The following MAPRE2 variants were observed in gnomAD, a reference collection of about 807,000 sequenced individuals.
MAPRE2 encodes the protein microtubule-associated protein RP/EB family member 2.
MAPRE2 carries 13 observed loss-of-function variants against 43.2 expected under a neutral mutation model. The ratio of observed to expected loss-of-function variants is 0.30; its 90% CI spans 0.20 to 0.48. The LOEUF is 0.48. Among genes scored for constraint, MAPRE2 ranks in the 20% least tolerant of loss-of-function variants. The probability of loss-of-function intolerance (pLI) is 0.99; values close to 1 mark genes in which losing one functional copy is unlikely to be tolerated. For synonymous variants in MAPRE2, 135 were observed against 148.8 expected, an observed-to-expected ratio of 0.91 and a Z score of 0.68; for missense variants, 161 against 400.2, an observed-to-expected ratio of 0.40 and a Z score of 5.10.
intron 2 of MAPRE2, among the ~76,000 whole-genome samples, chr18:35,015,566 G>A (rs750924041): frequency 6.0e-5 from 9 of 151,114 alleles, no homozygotes; most frequent in Non-Finnish European, 1.0e-4. Context: ...AACGAATCAC[G>A]TTTTATTTTC....
At chr18:35,065,214 C>G (rs1394029996) in intron 1 of MAPRE2, among the ~76,000 whole-genome samples, 2 of 151,864 alleles carry the variant, frequency 1.3e-5, no homozygotes, top group Non-Finnish European at 1.5e-5. Context: ...AGGGGAATTG[C>G]TTGAACCAGG....
intron 2 of MAPRE2, among the ~76,000 whole-genome samples, chr18:35,011,532 GA>G (rs2097034665): frequency 6.6e-6 from 1 of 152,226 alleles, no homozygotes; most frequent in South Asian, 2.1e-4. Flanking sequence ...TATCATAAAA[GA>G]TGTTGAAGTC....
At position 35,142,589 on chromosome 18, in the gene MAPRE2, T is replaced by C. The variant is rs1041372570; in HGVS notation, c.*2220T>C. 2.0e-5 allele frequency: 3 copies of C among 152,274 alleles called. No homozygotes were observed. The highest frequency in any genetic ancestry group is 2.0e-4 in the Admixed American group (3 of 15,284). 9.4% of individuals were successfully genotyped at this position (152,274 alleles called of 1,614,324 possible). A position where few individuals can be genotyped will look rare whatever the true frequency, so the allele number is the denominator to read the frequency against. ...CAAAGAGAACTTTCCCCAGTCACCA[T>C]AGACCATTCTCCTTCCTGAAGGCTT... On this transcript the variant is annotated 3_prime_UTR_variant, in exon 7 of 7. Coordinates refer to ENST00000300249, the MANE Select transcript of MAPRE2 (RefSeq NM_014268.4).
chr18:35,082,312 AT>A (rs1483666463), intron 2 of MAPRE2: 1 of 151,284 alleles, frequency 6.6e-6, no homozygotes, highest in Non-Finnish European at 1.5e-5. Context: ...AAAAAAAAAA[AT>A]ACATACGTTC....
At chr18:34,997,284 T>C (rs911787299) in intron 1 of MAPRE2, among the ~76,000 whole-genome samples, 1 of 152,194 alleles carries the variant, frequency 6.6e-6, no homozygotes, top group Non-Finnish European at 1.5e-5. Flanking sequence ...CAAAATCTTA[T>C]TCCATAGCAT....
chr18:35,117,671 T>C (rs1461292805), intron 4 of MAPRE2, among the ~76,000 whole-genome samples: 1 of 152,048 alleles, frequency 6.6e-6, no homozygotes, highest in Non-Finnish European at 1.5e-5. Flanking sequence ...CTCTAAATTA[T>C]TGTTGGGATG....
chr18:35,116,268 C>T (rs1425618175), intron 4 of MAPRE2, among the ~76,000 whole-genome samples: 3 of 152,152 alleles, frequency 2.0e-5, no homozygotes, highest in South Asian at 2.1e-4. Context: ...ATGCTGAAGT[C>T]GAAAGAATGT....
intron 2 of MAPRE2, among the ~76,000 whole-genome samples, chr18:35,025,553 G>T (rs1165810590): frequency 6.6e-6 from 1 of 152,190 alleles, no homozygotes; most frequent in Non-Finnish European, 1.5e-5. Flanking sequence ...GTGGCTGAAT[G>T]TTCCCAACTC....
intron 5 of MAPRE2, chr18:35,127,382 G>T (rs1214577143): frequency 6.6e-6 from 2 of 301,900 alleles, no homozygotes; most frequent in Non-Finnish European, 1.3e-5. Flanking sequence ...AAGAGCTCCA[G>T]GCTAGACCGT....
intron 1 of MAPRE2, among the ~76,000 whole-genome samples, chr18:34,981,852 GC>G (rs2097016355): frequency 6.7e-6 from 1 of 150,124 alleles, no homozygotes; most frequent in East Asian, 2.0e-4. Flanking sequence ...CATTGTCTCA[GC>G]GACTTTATTT....
intron 1 of MAPRE2, among the ~76,000 whole-genome samples, chr18:35,001,919 A>G (rs2097029589): frequency 6.6e-6 from 1 of 152,230 alleles, no homozygotes; most frequent in Non-Finnish European, 1.5e-5. Context: ...GTAAGAAATA[A>G]TATAGAGAGA....
intron 4 of MAPRE2, among the ~76,000 whole-genome samples, chr18:35,126,132 TC>T (rs1424083017): frequency 6.6e-6 from 1 of 151,578 alleles, no homozygotes; most frequent in Non-Finnish European, 1.5e-5. Flanking sequence ...TCTTTTCTCT[TC>T]CCTCTCCCTC....
chr18:35,015,219 AG>A (rs2097037415), intron 2 of MAPRE2, among the ~76,000 whole-genome samples: 2 of 152,076 alleles, frequency 1.3e-5, no homozygotes, highest in East Asian at 1.9e-4. Flanking sequence ...GGTCCTGGTG[AG>A]GTTGAGTACA....
intron 1 of MAPRE2, among the ~76,000 whole-genome samples, chr18:34,993,501 T>C (rs1417612330): frequency 6.6e-6 from 1 of 152,140 alleles, no homozygotes; most frequent in Non-Finnish European, 1.5e-5. Flanking sequence ...TAACAACCTT[T>C]TCTTTGAGCC....
At chr18:34,981,144 G>A (rs771676118) in intron 1 of MAPRE2, among the ~76,000 whole-genome samples, 9 of 151,782 alleles carry the variant, frequency 5.9e-5, no homozygotes, top group Non-Finnish European at 1.0e-4. Context: ...AGGCCGAGGC[G>A]GGTGAATCAC....
At chr18:35,022,825 A>G (rs1005383678) in intron 2 of MAPRE2, among the ~76,000 whole-genome samples, 6 of 152,212 alleles carry the variant, frequency 3.9e-5, no homozygotes, top group Non-Finnish European at 8.8e-5. Flanking sequence ...AAAACACAGT[A>G]GAGAGTCAAC....
intron 2 of MAPRE2, among the ~76,000 whole-genome samples, chr18:35,017,497 T>C (rs1421871908): frequency 1.3e-5 from 2 of 151,962 alleles, no homozygotes; most frequent in African/African-American, 4.8e-5. Flanking sequence ...TGTTTTGTAG[T>C]ACTCCTTGTA....
At chr18:34,992,675 G>A (rs1306406825) in intron 1 of MAPRE2, among the ~76,000 whole-genome samples, 1 of 152,082 alleles carries the variant, frequency 6.6e-6, no homozygotes, top group African/African-American at 2.4e-5. Context: ...TTAAACGTGA[G>A]GAAAACATGC....
intron 2 of MAPRE2, among the ~76,000 whole-genome samples, chr18:35,078,376 C>CTATA (rs1907472058): frequency 6.6e-6 from 1 of 152,160 alleles, no homozygotes; most frequent in African/African-American, 2.4e-5. Context: ...CGGTTACATA[C>CTATA]TATATAGTTT....
Sources: gnomAD v4.1 joint callset for allele counts (sites outside exome capture counted in the v4.1 genomes callset) on GRCh38, gnomAD v4.1.1 for gene constraint, MANE v1.5 for transcripts, NCBI Gene and HGNC (gene_info 2026-07-23, HGNC 2026-07-21) for gene names.